NRK: variants seen among roughly 807,000 people sequenced by gnomAD.
NRK encodes the protein Nik related kinase, also known as nik-related protein kinase.
Under a neutral mutation model 125.2 loss-of-function variants are expected in NRK, and 67 were observed. The observed-to-expected ratio is 0.54, with a 90% CI of 0.44 to 0.66. The LOEUF is 0.66. Among genes scored for constraint, NRK ranks in the 30% least tolerant of loss-of-function variants. NRK has a pLI of 0.00. For missense variants in NRK, 1,224 were observed against 1,192.9 expected, an observed-to-expected ratio of 1.03 and a Z score of -0.38; for synonymous variants, 458 against 429.0, an observed-to-expected ratio of 1.07 and a Z score of -0.84.
At chrX:105,934,998 G>A (rs1206195382) in intron 20 of NRK, among the ~76,000 whole-genome samples, 172 bp from the exon 21 acceptor site, 1 of 111,144 alleles carries the variant, frequency 9.0e-6, no homozygotes, top group East Asian at 2.8e-4. Flanking sequence ...TGGCTAAGTC[G>A]TGTCTCATTT....
In NRK at chrX:105,949,566, T is replaced by C; in HGVS notation, c.4354-9T>C. 4.2e-6 allele frequency: 5 copies of C among 1,179,347 alleles called. No homozygotes were observed. Among genetic ancestry groups the C allele is most frequent in the Non-Finnish European group, 5.8e-6 (5 of 869,081 alleles). Reference sequence around the variant, plus strand: ...TGGACATATAAATCTTTATGAAACATAATTCCAGCCCCTGGAAATCATTAT... The same window carrying C: ...TGGACATATAAATCTTTATGAAACACAATTCCAGCCCCTGGAAATCATTAT... On this transcript the variant is annotated splice_polypyrimidine_tract_variant and intron_variant, in intron 26 of 28. Coordinates refer to ENST00000243300, the MANE Select transcript of NRK (RefSeq NM_198465.4).
intron 13 of NRK, 122 bp downstream of exon 13, chrX:105,910,004 A>C: frequency 2.0e-6 from 1 of 494,562 alleles, no homozygotes; most frequent in Non-Finnish European, 3.2e-6. Flanking sequence ...TACAGAAGAT[A>C]TACTAAATAA....
chrX:105,931,324 A>G (rs1235470132), intron 19 of NRK, among the ~76,000 whole-genome samples: 1 of 111,785 alleles, frequency 8.9e-6, no homozygotes, highest in Non-Finnish European at 1.9e-5. Flanking sequence ...GTGCCTCTAG[A>G]TTCAAGATGG....
chrX:105,936,945 T>C (rs1431263788), intron 21 of NRK, among the ~76,000 whole-genome samples: 1 of 111,428 alleles, frequency 9.0e-6, no homozygotes, highest in Non-Finnish European at 1.9e-5. Flanking sequence ...CATTTACTTA[T>C]GTTTAGAGAT....
At chrX:105,944,108 C>T (rs1374581673) in intron 24 of NRK, 67 bp downstream of exon 24, 5 of 570,742 alleles carry the variant, frequency 8.8e-6, no homozygotes, top group South Asian at 6.4e-5. Context: ...TGAACAGAAT[C>T]GTACCTTGGA....
intron 5 of NRK, 120 bp from the exon 6 acceptor site, chrX:105,893,712 A>G (rs966549194): frequency 4.5e-6 from 2 of 442,298 alleles, no homozygotes; most frequent in African/African-American, 4.9e-5. Flanking sequence ...TTGAGGCAGT[A>G]CTTGCAGTGC....
rs548058292 is a variant in NRK, at chrX:105,863,640, C to A, written c.124-16559C>A. ...TCATTTTCCATTACTTTAATCATTT[C>A]TGTTATTCTCTGTAGAAGAGTATTC... is the stretch of plus-strand genomic sequence containing the variant. On this transcript the variant is annotated intron_variant, in intron 2 of 28. Coordinates refer to ENST00000243300, the MANE Select transcript of NRK (RefSeq NM_198465.4). Among the ~76,000 whole-genome samples, 24 of 112,178 alleles carry A rather than the reference C, an allele frequency of 2.1e-4. No homozygotes were observed. The South Asian group carries it at 3.0e-3, about 14-fold the overall frequency.
intron 11 of NRK, chrX:105,907,627 C>A (rs1602660035): frequency 8.9e-6 from 1 of 111,735 alleles, no homozygotes; most frequent in Non-Finnish European, 1.9e-5. Flanking sequence ...GCAAAATTTC[C>A]AAAATGTTAC....
intron 1 of NRK, among the ~76,000 whole-genome samples, chrX:105,826,052 CTCTCTA>C (rs2039088995): frequency 4.0e-5 from 4 of 99,130 alleles, no homozygotes; most frequent in South Asian, 4.6e-4. Flanking sequence ...CTCTCTCTCT[CTCTCTA>C]TATATATATA....
At chrX:105,946,272 G>C (rs375231783) in intron 25 of NRK, 43 bp from the exon 26 acceptor site, 2 of 1,114,968 alleles carry the variant, frequency 1.8e-6, no homozygotes, top group Non-Finnish European at 2.4e-6. Flanking sequence ...TAGTTAGAAT[G>C]TCATTTTTGG....
At chrX:105,925,059 A>T in intron 19 of NRK, 28 bp downstream of exon 19, 1 of 1,045,250 alleles carries the variant, frequency 9.6e-7, no homozygotes, top group Non-Finnish European at 1.3e-6. Flanking sequence ...AAGCAGATTG[A>T]ACTCCTCTCA....
rs907959217 is a variant in NRK at position 105,925,019 on chromosome X, A to G, written c.3300A>G (p.Glu1100=). Residue 1100 remains glutamate, a synonymous_variant, in exon 19 of 29, where the codon GAA becomes GAG. Transcript: ENST00000243300. The stretch of plus-strand genomic sequence containing the variant: ...AGAGACCTGCGTCTCAGGACTTTGA[A>G]TATCTACAGGAGGTAATGCACCATT... The part of the protein sequence containing the change: ...GLKRPASQDF[E]YLQEEPGGGN... 6 of 1,197,540 alleles carry G rather than the reference A, an allele frequency of 5.0e-6. No individual in the cohort carries two copies. Among genetic ancestry groups the G allele is most frequent in the African/African-American group, 3.5e-5 (2 of 57,038 alleles).
At chrX:105,929,902 C>T (rs1435207752) in intron 19 of NRK, among the ~76,000 whole-genome samples, 1 of 111,350 alleles carries the variant, frequency 9.0e-6, no homozygotes, top group Non-Finnish European at 1.9e-5. Flanking sequence ...ATATATCATC[C>T]TATTCTCTCC....
intron 19 of NRK, among the ~76,000 whole-genome samples, chrX:105,928,133 G>T (rs1040766911): frequency 5.4e-5 from 6 of 111,085 alleles, no homozygotes; most frequent in East Asian, 2.8e-4. Context: ...ACTTTTCTTT[G>T]TTGGGAGACT....
chrX:105,840,667 T>C (rs2147652190), intron 2 of NRK, among the ~76,000 whole-genome samples: 1 of 111,397 alleles, frequency 9.0e-6, no homozygotes, highest in African/African-American at 3.3e-5. Flanking sequence ...ATATATTTAA[T>C]GCTATTTTTA....
At chrX:105,950,032 C>G (rs1162712848) in intron 27 of NRK, among the ~76,000 whole-genome samples, 6 of 111,996 alleles carry the variant, frequency 5.4e-5, no homozygotes, top group African/African-American at 1.9e-4. Context: ...TTTTAACTCC[C>G]TTTACTTGCA....
At chrX:105,872,222 A>ATGAC (rs780215424) in intron 2 of NRK, among the ~76,000 whole-genome samples, 1 of 111,368 alleles carries the variant, frequency 9.0e-6, no homozygotes, top group South Asian at 3.8e-4. Context: ...TGGCAGCTAA[A>ATGAC]TGACTGTCCC....
intron 2 of NRK, among the ~76,000 whole-genome samples, chrX:105,864,044 A>G (rs1243289905): frequency 8.9e-6 from 1 of 112,395 alleles, no homozygotes; most frequent in African/African-American, 3.2e-5. Context: ...TCAGATGGAG[A>G]CATAAAAATT....
chrX:105,938,305 A>G (rs771448508), intron 22 of NRK, among the ~76,000 whole-genome samples: 44 of 111,703 alleles, frequency 3.9e-4, no homozygotes, highest in Non-Finnish European at 7.7e-4. Context: ...ATATGAGTTT[A>G]TGTATTTTAT....
Sources: allele counts gnomAD v4.1 joint callset (sites outside exome capture counted in the v4.1 genomes callset), GRCh38; gene constraint gnomAD v4.1.1; transcripts MANE v1.5; gene names NCBI Gene and HGNC (gene_info 2026-07-23, HGNC 2026-07-21).